SLC9A9: variants seen among roughly 807,000 people sequenced by gnomAD.
SLC9A9 encodes the protein solute carrier family 9 member A9, also known as sodium/hydrogen exchanger 9.
SLC9A9 carries 62 observed loss-of-function variants against 77.8 expected under a neutral mutation model. The observed-to-expected ratio is 0.80, with a 90% CI of 0.65 to 0.98. The LOEUF (loss-of-function observed/expected upper bound fraction) is 0.98, where lower values mean the gene tolerates loss of function less well. Among genes scored for constraint, SLC9A9 ranks in the 50% least tolerant of loss-of-function variants. The pLI is 0.00. For missense variants in SLC9A9, 775 were observed against 774.9 expected (o/e 1.00, Z 0.00); for synonymous variants, 320 against 283.5 (o/e 1.13, Z -1.29).
chr3:143,488,729 A>T (rs565762164), intron 11 of SLC9A9, among the ~76,000 whole-genome samples: 2 of 152,090 alleles, frequency 1.3e-5, no homozygotes, highest in East Asian at 3.9e-4. Flanking sequence ...AACTAGGAAT[A>T]GAAGGAAACT....
chr3:143,354,964 T>C (rs2032549861), intron 14 of SLC9A9, among the ~76,000 whole-genome samples: 1 of 152,210 alleles, frequency 6.6e-6, no homozygotes, highest in South Asian at 2.1e-4. Flanking sequence ...AGAGAAAAAT[T>C]GCTGCACTTC....
At chr3:143,667,692 C>A (rs2039091921) in intron 5 of SLC9A9, among the ~76,000 whole-genome samples, 1 of 152,162 alleles carries the variant, frequency 6.6e-6, no homozygotes, top group Admixed American at 6.5e-5. Context: ...AGACACTTCT[C>A]AAAAGAAGAC....
At chr3:143,528,772 C>T (rs766061258) in intron 9 of SLC9A9, among the ~76,000 whole-genome samples, 45 of 150,688 alleles carry the variant, frequency 3.0e-4, no homozygotes, top group Admixed American at 5.3e-4. Flanking sequence ...TAACTCATGC[C>T]TGGGTATTTT....
intron 4 of SLC9A9, among the ~76,000 whole-genome samples, chr3:143,792,238 A>G (rs1576729190): frequency 6.6e-6 from 1 of 152,248 alleles, no homozygotes; most frequent in Admixed American, 6.5e-5. Context: ...TAAGAAAAAT[A>G]CAGCCAGTCA....
At chr3:143,800,819 C>T (rs2008531072) in intron 2 of SLC9A9, among the ~76,000 whole-genome samples, 1 of 152,190 alleles carries the variant, frequency 6.6e-6, no homozygotes. Context: ...AACATTTATT[C>T]TCCAAAGGAT....
chr3:143,841,474 T>G (rs1229664426), intron 1 of SLC9A9, among the ~76,000 whole-genome samples: 2 of 152,264 alleles, frequency 1.3e-5, no homozygotes, highest in Non-Finnish European at 2.9e-5. Flanking sequence ...ATATCAACTT[T>G]TTGACATAAT....
chr3:143,593,839 C>T (rs536235684), intron 6 of SLC9A9, among the ~76,000 whole-genome samples: 35 of 152,138 alleles, frequency 2.3e-4, no homozygotes, highest in Admixed American at 6.5e-4. Flanking sequence ...TGGTGAAGAC[C>T]CAGGCAACCT....
intron 12 of SLC9A9, among the ~76,000 whole-genome samples, chr3:143,457,968 A>C (rs890063494): frequency 3.9e-5 from 6 of 152,150 alleles, no homozygotes; most frequent in East Asian, 1.9e-4. Context: ...TTGTTAGAAT[A>C]GTTCTTCTGT....
At chr3:143,573,784 A>C (rs2037309809) in intron 8 of SLC9A9, among the ~76,000 whole-genome samples, 9 of 152,146 alleles carry the variant, frequency 5.9e-5, no homozygotes, top group Middle Eastern at 3.2e-3. Context: ...CTCAATGAAG[A>C]CTTCCATTTG....
intron 12 of SLC9A9, among the ~76,000 whole-genome samples, chr3:143,397,406 G>A (rs986892640): frequency 1.3e-5 from 2 of 152,182 alleles, no homozygotes; most frequent in Non-Finnish European, 2.9e-5. Context: ...GGAAAAAAGA[G>A]GGACATTTTA....
chr3:143,842,072 T>A (rs2009720545), intron 1 of SLC9A9, among the ~76,000 whole-genome samples: 2 of 151,140 alleles, frequency 1.3e-5, no homozygotes, highest in Admixed American at 1.3e-4. Context: ...TTTCTTAAAA[T>A]CAACTTTTAA....
intron 14 of SLC9A9, among the ~76,000 whole-genome samples, chr3:143,313,999 G>A (rs1024943912): frequency 1.3e-5 from 2 of 152,186 alleles, no homozygotes; most frequent in Admixed American, 6.5e-5. Context: ...GGGCATGGGC[G>A]GGGTGGAGAG....
chr3:143,662,406 T>C (rs1403218408), intron 5 of SLC9A9, among the ~76,000 whole-genome samples: 1 of 152,200 alleles, frequency 6.6e-6, no homozygotes, highest in Non-Finnish European at 1.5e-5. Flanking sequence ...GACAGGTGAT[T>C]TCTGCATTTC....
rs1937932402 is a variant in SLC9A9, at chr3:143,272,763, T to C, written c.1605-3783A>G. On this transcript the variant is annotated intron_variant, in intron 14 of 15. Coordinates refer to ENST00000316549, the MANE Select transcript of SLC9A9 (RefSeq NM_173653.4). ...ATGGGGAGGGAGGTTCCCCATTGGG[T>C]ATTTTTAATATGACTAGTTTTGCTT... is the stretch of plus-strand genomic sequence containing the variant. Among the ~76,000 whole-genome samples, 7 of 152,194 alleles carry C rather than the reference T, an allele frequency of 4.6e-5. No individual in the cohort carries two copies. In the South Asian group the frequency reaches 1.5e-3, roughly 32 times the overall value.
chr3:143,441,716 T>C (rs1434843204), intron 12 of SLC9A9, among the ~76,000 whole-genome samples: 1 of 152,162 alleles, frequency 6.6e-6, no homozygotes, highest in Non-Finnish European at 1.5e-5. Context: ...CTGTTTTCTA[T>C]GCCAGCCTCC....
chr3:143,630,883 AAACT>A (rs1256677095), intron 6 of SLC9A9, among the ~76,000 whole-genome samples: 5 of 152,168 alleles, frequency 3.3e-5, no homozygotes, highest in African/African-American at 1.2e-4. Flanking sequence ...TAGTTATGTC[AAACT>A]AACCTTAAAT....
chr3:143,373,104 C>A (rs934791656), intron 13 of SLC9A9, among the ~76,000 whole-genome samples: 61 of 151,980 alleles, frequency 4.0e-4, no homozygotes, highest in African/African-American at 1.5e-3. Flanking sequence ...TACTGGGTAT[C>A]TACCCAAGGG....
intron 5 of SLC9A9, among the ~76,000 whole-genome samples, chr3:143,685,481 T>C (rs1933233994): frequency 6.6e-6 from 1 of 152,148 alleles, no homozygotes; most frequent in South Asian, 2.1e-4. Flanking sequence ...TATTTTCTAG[T>C]TTTGAATACT....
At chr3:143,690,135 T>A (rs957911545) in intron 5 of SLC9A9, among the ~76,000 whole-genome samples, 2 of 151,902 alleles carry the variant, frequency 1.3e-5, no homozygotes, top group African/African-American at 4.8e-5. Context: ...CACAATAAAA[T>A]CTTAAGCAGT....
Sources: gnomAD v4.1 joint callset for allele counts (sites outside exome capture counted in the v4.1 genomes callset) on GRCh38, gnomAD v4.1.1 for gene constraint, MANE v1.5 for transcripts, NCBI Gene and HGNC (gene_info 2026-07-23, HGNC 2026-07-21) for gene names.